The following ZNF469 variants were observed in gnomAD, a reference collection of about 807,000 sequenced individuals.
ZNF469 encodes the protein zinc finger protein 469.
A neutral mutation model predicts 1.0 loss-of-function variants in ZNF469; 1 was observed. That is an observed-to-expected ratio of 1.00 (90% CI 0.35 to 4.73). ZNF469 has a LOEUF of 4.73. Among genes scored for constraint, ZNF469 ranks in the 30% most tolerant of loss-of-function variants. The pLI is 0.16. For missense variants in ZNF469, 6,100 were observed against 5,356.3 expected (o/e 1.14, Z -4.33); for synonymous variants, 2,703 against 2,363.4 (o/e 1.14, Z -4.17).
At chr16:88,345,394 T>C in the ZNF469 span, among the ~76,000 whole-genome samples, 2 of 152,174 alleles carry the variant, frequency 1.3e-5, no homozygotes, top group African/African-American at 4.8e-5. Context: ...TTAACTTAAA[T>C]GTAAGCAGCT....
At chr16:88,233,773 G>A in the ZNF469 span, among the ~76,000 whole-genome samples, 19 of 152,264 alleles carry the variant, frequency 1.2e-4, no homozygotes, top group Non-Finnish European at 2.4e-4. Flanking sequence ...CGATGGGGAC[G>A]TAGAGGATGC....
the ZNF469 span, among the ~76,000 whole-genome samples, chr16:88,304,374 C>A: frequency 6.6e-6 from 1 of 152,218 alleles, no homozygotes; most frequent in Non-Finnish European, 1.5e-5. Context: ...GTACAACAGC[C>A]TGGAACTGTC....
chr16:88,328,838 A>G, the ZNF469 span, among the ~76,000 whole-genome samples: 1 of 152,134 alleles, frequency 6.6e-6, no homozygotes, highest in African/African-American at 2.4e-5. Context: ...TGTCCAGAGA[A>G]AACAGCTGGG....
the ZNF469 span, among the ~76,000 whole-genome samples, chr16:88,280,425 T>G: frequency 6.6e-6 from 1 of 152,014 alleles, no homozygotes; most frequent in East Asian, 1.9e-4. Context: ...CTTGCACAGG[T>G]TAGTGCTGTG....
intron 1 of ZNF469, among the ~76,000 whole-genome samples, chr16:88,412,498 A>T (rs1431760521): frequency 6.6e-6 from 1 of 152,192 alleles, no homozygotes; most frequent in Non-Finnish European, 1.5e-5. Context: ...TTCCTGCTCC[A>T]ATGGCGGTTC....
At chr16:88,170,774 G>T in the ZNF469 span, among the ~76,000 whole-genome samples, 2 of 152,130 alleles carry the variant, frequency 1.3e-5, no homozygotes, top group Admixed American at 6.5e-5. This position sits in a 1 kb window ranked among gnomAD's most constrained non-coding sequence, Gnocchi z 4.2. Context: ...CTTTGCATAG[G>T]TACCCGTTGA....
chr16:88,216,055 T>C, the ZNF469 span, among the ~76,000 whole-genome samples: 3 of 152,206 alleles, frequency 2.0e-5, no homozygotes, highest in African/African-American at 4.8e-5. Context: ...CTCTCTTCCA[T>C]ATTTTTTTTT....
the ZNF469 span, among the ~76,000 whole-genome samples, chr16:88,317,944 G>C: frequency 6.6e-6 from 1 of 152,224 alleles, no homozygotes; most frequent in Non-Finnish European, 1.5e-5. Flanking sequence ...TGATGGTGGG[G>C]TGAGGTCCCC....
chr16:88,373,433 C>A, the ZNF469 span, among the ~76,000 whole-genome samples: 1 of 152,130 alleles, frequency 6.6e-6, no homozygotes, highest in African/African-American at 2.4e-5. Flanking sequence ...CTGGGCTGTC[C>A]CTGTGTGGAG....
the ZNF469 span, among the ~76,000 whole-genome samples, chr16:88,191,962 G>A: frequency 6.6e-6 from 1 of 152,206 alleles, no homozygotes; most frequent in Non-Finnish European, 1.5e-5. Context: ...ATTTGGAGGG[G>A]GGGACTTTGG....
the ZNF469 span, among the ~76,000 whole-genome samples, chr16:88,284,009 G>A: frequency 5.7e-5 from 6 of 104,598 alleles, no homozygotes; most frequent in Admixed American, 6.3e-4. Context: ...GTCTGTGGAG[G>A]CTGGTAGACC....
chr16:88,270,126 C>G, the ZNF469 span, among the ~76,000 whole-genome samples: 3 of 152,136 alleles, frequency 2.0e-5, no homozygotes, highest in African/African-American at 7.2e-5. Context: ...CAGTGAAATG[C>G]CAAATCTTCA....
At chr16:88,101,611 C>G in the ZNF469 span, among the ~76,000 whole-genome samples, 33,091 of 151,554 alleles carry the variant, frequency 0.22, 4,386 homozygotes, top group Non-Finnish European at 0.28. Context: ...CCCGGCCACC[C>G]AGGGGCAGGA....
the ZNF469 span, among the ~76,000 whole-genome samples, chr16:88,157,250 C>G: frequency 1.3e-5 from 2 of 152,036 alleles, no homozygotes; most frequent in African/African-American, 4.8e-5. Flanking sequence ...CCTGCTGTCT[C>G]AGTGCTCTTT....
chr16:88,305,751 C>T, the ZNF469 span, among the ~76,000 whole-genome samples: 8 of 152,304 alleles, frequency 5.3e-5, no homozygotes, highest in East Asian at 5.8e-4. Context: ...CTCATACACA[C>T]GGAAACACAC....
At chr16:88,188,573 C>G in the ZNF469 span, among the ~76,000 whole-genome samples, 1 of 152,200 alleles carries the variant, frequency 6.6e-6, no homozygotes, top group Non-Finnish European at 1.5e-5. Context: ...TCTGGGAGTC[C>G]TGTTCAACCT....
the ZNF469 span, among the ~76,000 whole-genome samples, chr16:88,339,162 G>A: frequency 8.4e-6 from 1 of 119,356 alleles, no homozygotes; most frequent in African/African-American, 4.0e-5. Flanking sequence ...GGACAGGGTG[G>A]CGGGGGACAT....
the ZNF469 span, among the ~76,000 whole-genome samples, chr16:88,171,430 C>T: frequency 6.6e-6 from 1 of 152,248 alleles, no homozygotes; most frequent in African/African-American, 2.4e-5. Context: ...GGTGCCAGCC[C>T]AGGCCCAGCC....
chr16:88,247,313 ATGAG>A, the ZNF469 span, among the ~76,000 whole-genome samples: 19 of 147,670 alleles, frequency 1.3e-4, no homozygotes, highest in Non-Finnish European at 1.8e-4. Context: ...GAGTGAGTGA[ATGAG>A]TGAGTGAATG....
Sources: allele counts gnomAD v4.1 joint callset (sites outside exome capture counted in the v4.1 genomes callset), GRCh38; gene constraint gnomAD v4.1.1; non-coding constraint Gnocchi (gnomAD v3.1); transcripts MANE v1.5; gene names NCBI Gene and HGNC (gene_info 2026-07-23, HGNC 2026-07-21).